Variants in MCPH1 observed in about 807,000 individuals in gnomAD.
MCPH1 encodes microcephalin 1.
Under a neutral mutation model 84.5 loss-of-function variants are expected in MCPH1, and 104 were observed. The observed-to-expected ratio is 1.23, with a 90% confidence interval of 1.05 to 1.45. The LOEUF (loss-of-function observed/expected upper bound fraction) is 1.45, where lower values mean the gene tolerates loss of function less well. MCPH1 is among the 40% of genes most tolerant of loss of function. The probability of loss-of-function intolerance (pLI) is 0.00; values close to 1 mark genes in which losing one functional copy is unlikely to be tolerated. For missense variants in MCPH1, 1,498 were observed against 1,005.7 expected (o/e 1.49, Z -6.62); for synonymous variants, 514 against 366.8 (o/e 1.40, Z -4.58).
Position 6,638,310 on chromosome 8 carries a change from G to A in MCPH1, c.2453-4684G>A, listed in dbSNP as rs77365326. ...TGGCTAGATCTCCTAGCCCTAACATGCTTACTTATTTTGATAAGCAAAGAT... is the reference window on the plus strand; with the variant it reads ...TGGCTAGATCTCCTAGCCCTAACATACTTACTTATTTTGATAAGCAAAGAT... On this transcript the variant is annotated intron_variant, in intron 13 of 13. Transcript: ENST00000344683. 8.9e-3 allele frequency among the ~76,000 whole-genome samples: 1,353 copies of A among 152,228 alleles called. 18 individuals carry two copies. Among genetic ancestry groups the A allele is most frequent in the African/African-American group, 0.031 (1,279 of 41,532 alleles).
intron 11 of MCPH1, among the ~76,000 whole-genome samples, chr8:6,487,512 G>C (rs1418660459): frequency 6.6e-6 from 1 of 152,218 alleles, no homozygotes; most frequent in Non-Finnish European, 1.5e-5. Flanking sequence ...GCATTCCTAA[G>C]TCTGTTCAAA....
At chr8:6,432,205 A>G (rs919059783) in intron 4 of MCPH1, among the ~76,000 whole-genome samples, 3 of 152,238 alleles carry the variant, frequency 2.0e-5, no homozygotes, top group South Asian at 2.1e-4. Context: ...CCTGGCCCCA[A>G]GTGATTCTCC....
At chr8:6,493,908 T>C (rs969754722) in intron 11 of MCPH1, among the ~76,000 whole-genome samples, 1 of 151,814 alleles carries the variant, frequency 6.6e-6, no homozygotes, top group Non-Finnish European at 1.5e-5. Flanking sequence ...TTTCAGTAAA[T>C]TGCTCATGGT....
intron 9 of MCPH1, among the ~76,000 whole-genome samples, chr8:6,472,399 T>C (rs1240156113): frequency 6.6e-6 from 1 of 152,244 alleles, no homozygotes; most frequent in Non-Finnish European, 1.5e-5. Context: ...ATCTGTTTTT[T>C]ATTAAAGTAA....
chr8:6,516,081 C>A (rs1173754706), intron 12 of MCPH1, among the ~76,000 whole-genome samples: 2 of 152,144 alleles, frequency 1.3e-5, no homozygotes, highest in African/African-American at 4.8e-5. Flanking sequence ...GTATTGCCTT[C>A]CCCAGTGGCA....
intron 12 of MCPH1, among the ~76,000 whole-genome samples, chr8:6,596,851 A>G (rs1008293010): frequency 6.6e-6 from 1 of 152,228 alleles, no homozygotes; most frequent in Non-Finnish European, 1.5e-5. Context: ...ATTATTGACC[A>G]TGAAATAGCT....
In MCPH1 at chr8:6,461,323, G is replaced by GA. The variant is rs1295329975; in HGVS notation, c.1935+6072dup. Among the ~76,000 whole-genome samples the GA allele has an allele frequency of 4.7e-5, 5 of 106,632 alleles. 1 individual carries two copies. The highest frequency in any genetic ancestry group is 8.9e-5 in the Non-Finnish European group (5 of 56,312). The allele number at this position is 106,632 out of a possible 152,430, so 70.0% of individuals were successfully genotyped here. A position where few individuals can be genotyped will look rare whatever the true frequency, so the allele number is the denominator to read the frequency against. ...AATATACTTGTTTCAAATTTGTTGA[G>GA]ACTTTTTTTTTTTTTTTTTTGAGAT... On this transcript the variant is annotated intron_variant, in intron 9 of 13. Transcript: ENST00000344683.
chr8:6,611,074 A>G (rs1301908818), intron 12 of MCPH1, among the ~76,000 whole-genome samples: 1 of 151,964 alleles, frequency 6.6e-6, no homozygotes, highest in Admixed American at 6.6e-5. Flanking sequence ...TACTACTGCT[A>G]CTGCTTCTAC....
intron 12 of MCPH1, among the ~76,000 whole-genome samples, chr8:6,598,981 G>C (rs1053961380): frequency 6.6e-6 from 1 of 152,224 alleles, no homozygotes; most frequent in African/African-American, 2.4e-5. Flanking sequence ...AATTAGTTCT[G>C]ATTCCTTAAG....
chr8:6,570,096 C>A (rs954121257), intron 12 of MCPH1, among the ~76,000 whole-genome samples: 2 of 152,218 alleles, frequency 1.3e-5, no homozygotes, highest in Admixed American at 6.5e-5. Flanking sequence ...ATTCTACATA[C>A]CCTTTCATTG....
At chr8:6,621,878 C>G (rs1055648804) in intron 13 of MCPH1, among the ~76,000 whole-genome samples, 187 bp downstream of exon 13, 2 of 152,044 alleles carry the variant, frequency 1.3e-5, no homozygotes, top group Non-Finnish European at 2.9e-5. Context: ...TTGCTGTTAG[C>G]AGACGTACAG....
intron 12 of MCPH1, chr8:6,532,514 G>C: frequency 1.3e-6 from 2 of 1,537,880 alleles, no homozygotes; most frequent in Non-Finnish European, 1.8e-6. Context: ...TTAGAAGGCA[G>C]TCATTAGTCA....
At chr8:6,572,196 A>T (rs1826715222) in intron 12 of MCPH1, among the ~76,000 whole-genome samples, 1 of 152,216 alleles carries the variant, frequency 6.6e-6, no homozygotes, top group Non-Finnish European at 1.5e-5. Context: ...GAAAAAAAAA[A>T]AATGAGTAAC....
intron 8 of MCPH1, among the ~76,000 whole-genome samples, chr8:6,450,250 T>A (rs560059115): frequency 6.6e-6 from 1 of 152,140 alleles, no homozygotes; most frequent in South Asian, 2.1e-4. Flanking sequence ...AGAAAGACAT[T>A]TATTAAACAT....
At chr8:6,548,488 G>C (rs1456576370) in intron 12 of MCPH1, among the ~76,000 whole-genome samples, 1 of 152,114 alleles carries the variant, frequency 6.6e-6, no homozygotes, top group East Asian at 1.9e-4. Flanking sequence ...GAAAATGCTG[G>C]GTTTTTCATT....
rs1434479116 is a variant in MCPH1, at chr8:6,505,924, A to G, written c.2214+5995A>G. Among the ~76,000 whole-genome samples the G allele has an allele frequency of 3.1e-3, 272 of 89,110 alleles. 13 individuals carry two copies. In the Middle Eastern group the frequency reaches 0.05, roughly 16 times the overall value. 58.5% of individuals were successfully genotyped at this position (89,110 alleles called of 152,430 possible). A position where few individuals can be genotyped will look rare whatever the true frequency, so the allele number is the denominator to read the frequency against. ...ATACATATTCTTTATATATGTATAT[A>G]TAAAAACATACATATTCTTTATATA... On this transcript the variant is annotated intron_variant, in intron 12 of 13. Transcript: ENST00000344683.
chr8:6,508,870 C>T (rs764112777), intron 12 of MCPH1: 2 of 1,610,702 alleles, frequency 1.2e-6, no homozygotes, highest in Non-Finnish European at 1.7e-6. Flanking sequence ...AAATTGCCAG[C>T]CTTTCCCTCT....
intron 13 of MCPH1, chr8:6,626,062 C>T: frequency 1.0e-6 from 1 of 985,400 alleles, no homozygotes; most frequent in Non-Finnish European, 1.2e-6. Flanking sequence ...GCCTTTGTTC[C>T]TGCACAGTCT....
chr8:6,502,449 C>T (rs758276021), intron 12 of MCPH1: 7 of 152,084 alleles, frequency 4.6e-5, no homozygotes, highest in East Asian at 1.9e-4. Flanking sequence ...ATTTGAAATA[C>T]GTATTTGAGC....
Sources: gnomAD v4.1 joint callset for allele counts (sites outside exome capture counted in the v4.1 genomes callset) on GRCh38, gnomAD v4.1.1 for gene constraint, MANE v1.5 for transcripts, NCBI Gene and HGNC (gene_info 2026-07-23, HGNC 2026-07-21) for gene names.